HEPHL1: variants seen among roughly 807,000 people sequenced by gnomAD.
HEPHL1 encodes ferroxidase HEPHL1.
HEPHL1 carries 123 observed loss-of-function variants against 122.0 expected under a neutral mutation model. The observed-to-expected ratio is 1.01, with a 90% CI of 0.87 to 1.17. The LOEUF is 1.17. Ranked by LOEUF, HEPHL1 falls within the 50% of genes most tolerant of loss-of-function variation. The pLI, the probability that HEPHL1 is intolerant of heterozygous loss-of-function variation, is 0.00. For missense variants in HEPHL1, 1,452 were observed against 1,430.5 expected, an observed-to-expected ratio of 1.01 and a Z score of -0.24; for synonymous variants, 527 against 508.9, an observed-to-expected ratio of 1.04 and a Z score of -0.48.
chr11:94,063,047 T>C (rs1260468215), intron 2 of HEPHL1, among the ~76,000 whole-genome samples: 1 of 152,176 alleles, frequency 6.6e-6, no homozygotes, highest in Non-Finnish European at 1.5e-5. Context: ...GCAGGAAGAA[T>C]GTCTTACACT....
intron 13 of HEPHL1, among the ~76,000 whole-genome samples, chr11:94,093,971 G>GATCTATATAT (rs1946284114): frequency 1.4e-5 from 1 of 72,746 alleles, no homozygotes; most frequent in African/African-American, 4.9e-5. Context: ...TCCTCCAGCA[G>GATCTATATAT]ATATATATAT....
Position 94,073,439 on chromosome 11 carries a change from G to A in HEPHL1, c.1504G>A (p.Gly502Arg). ...KASDAAPNLD[G>R]FVKPGAHVKP... ...ATCTGATGCAGCCCCAAACCTAGAT[G>A]GTAAGTCTCACTCTGGGCTTAGGGA... Residue 502 changes from glycine to arginine, a missense_variant and splice_region_variant, in exon 8 of 20, where the codon GGA becomes AGA. Physicochemically the swap from Gly to Arg is moderately radical, Grantham distance 125. Coordinates refer to ENST00000315765, the MANE Select transcript of HEPHL1 (RefSeq NM_001098672.2). The A allele has an allele frequency of 6.4e-7, 1 of 1,552,628 alleles. No homozygotes were observed. The highest frequency in any genetic ancestry group is 8.7e-7 in the Non-Finnish European group (1 of 1,147,090).
chr11:94,102,672 G>A (rs1380664390), intron 14 of HEPHL1, among the ~76,000 whole-genome samples: 2 of 152,196 alleles, frequency 1.3e-5, no homozygotes, highest in Non-Finnish European at 1.5e-5. Context: ...ATACACACCA[G>A]TTGACAATAG....
At position 94,049,236 on chromosome 11, in the gene HEPHL1, T is replaced by C. The variant is rs111816061; in HGVS notation, c.415+3319T>C. Among the ~76,000 whole-genome samples, 1,152 of 152,216 alleles carry C rather than the reference T, an allele frequency of 7.6e-3. 18 individuals carry two copies. Among genetic ancestry groups the C allele is most frequent in the African/African-American group, 0.027 (1,112 of 41,502 alleles). On this transcript the variant is annotated intron_variant, in intron 2 of 19. Transcript: ENST00000315765. Reference sequence around the variant, plus strand: ...AAAAAATGCTCAACATCACTAATCATTGGGGAAATGCAAATCAGAACTACA... The same window carrying C: ...AAAAAATGCTCAACATCACTAATCACTGGGGAAATGCAAATCAGAACTACA...
intron 1 of HEPHL1, among the ~76,000 whole-genome samples, chr11:94,028,053 C>CA (rs1427866069): frequency 6.6e-6 from 1 of 152,162 alleles, no homozygotes; most frequent in African/African-American, 2.4e-5. Context: ...TATGATCTCA[C>CA]ATGTTGGATC....
At position 94,103,299 on chromosome 11, in the gene HEPHL1, T is replaced by C. The variant is rs1041678271; in HGVS notation, c.2682+279T>C. ...AAAAAAAAAAAAAAAAAAAAAAAGT[T>C]TGGTGACCCTTGACTTAAAGTATGG... On this transcript the variant is annotated intron_variant, in intron 15 of 19. Coordinates refer to ENST00000315765, the MANE Select transcript of HEPHL1 (RefSeq NM_001098672.2). Among the ~76,000 whole-genome samples, 22 of 147,274 alleles carry C rather than the reference T, an allele frequency of 1.5e-4. 1 individual carries two copies. Among genetic ancestry groups the C allele is most frequent in the African/African-American group, 5.3e-4 (21 of 39,994 alleles).
At chr11:94,076,372 A>G (rs546994475) in intron 9 of HEPHL1, among the ~76,000 whole-genome samples, 3 of 152,322 alleles carry the variant, frequency 2.0e-5, no homozygotes, top group South Asian at 4.1e-4. Context: ...AGTAAAACAC[A>G]GGACCTTGAA....
chr11:94,032,335 G>A (rs1239186510), intron 1 of HEPHL1, among the ~76,000 whole-genome samples: 1 of 152,206 alleles, frequency 6.6e-6, no homozygotes, highest in Non-Finnish European at 1.5e-5. Flanking sequence ...TTTGTTGCTG[G>A]TGGGTTTGAC....
intron 2 of HEPHL1, among the ~76,000 whole-genome samples, chr11:94,057,843 T>C (rs982550537): frequency 1.3e-5 from 2 of 152,220 alleles, no homozygotes; most frequent in African/African-American, 4.8e-5. Context: ...GTGTTTCTCA[T>C]ATTTTTGTTG....
chr11:94,047,570 G>A (rs1403941938), intron 2 of HEPHL1, among the ~76,000 whole-genome samples: 2 of 151,966 alleles, frequency 1.3e-5, no homozygotes, highest in Non-Finnish European at 2.9e-5. Context: ...AGTATTCCAA[G>A]GTGTATATGC....
Position 94,025,966 on chromosome 11 carries a change from C to T in HEPHL1, c.170+4428C>T, listed in dbSNP as rs542857532. Among the ~76,000 whole-genome samples the T allele has an allele frequency of 2.6e-5, 4 of 152,284 alleles. No homozygotes were observed. The East Asian group carries it at 7.7e-4, about 29-fold the overall frequency. ...GATTGTTTCTGGCTGCCACTAGAGA[C>T]TGGAGTATAATGTCTTTAACAAATT... is the stretch of plus-strand genomic sequence containing the variant. On this transcript the variant is annotated intron_variant, in intron 1 of 19. Transcript: ENST00000315765.
intron 17 of HEPHL1, among the ~76,000 whole-genome samples, chr11:94,107,661 CTTGT>C (rs1184198586): frequency 7.9e-5 from 12 of 152,254 alleles, no homozygotes; most frequent in Admixed American, 2.0e-4. Context: ...TTGAATCTGG[CTTGT>C]TTGATTTAAC....
chr11:94,085,058 A>G (rs752500728), intron 10 of HEPHL1, among the ~76,000 whole-genome samples: 11 of 152,226 alleles, frequency 7.2e-5, no homozygotes, highest in African/African-American at 2.4e-4. Flanking sequence ...CCTTCCTGCT[A>G]TAGGCTTAGT....
intron 14 of HEPHL1, among the ~76,000 whole-genome samples, chr11:94,102,086 A>G (rs1946372054): frequency 6.6e-6 from 1 of 152,194 alleles, no homozygotes; most frequent in Admixed American, 6.5e-5. Flanking sequence ...AGGAAAACAC[A>G]TAGTATATAT....
chr11:94,069,859 T>C (rs1021553976), intron 5 of HEPHL1, among the ~76,000 whole-genome samples: 3 of 152,304 alleles, frequency 2.0e-5, no homozygotes, highest in Middle Eastern at 3.4e-3. Context: ...TTAAAAAAGC[T>C]ATGGACATAC....
At chr11:94,079,726 G>C (rs898419571) in intron 9 of HEPHL1, among the ~76,000 whole-genome samples, 1 of 152,182 alleles carries the variant, frequency 6.6e-6, no homozygotes, top group African/African-American at 2.4e-5. Context: ...AGAGTCAAGA[G>C]ATGAGGCTGA....
chr11:94,050,686 G>A (rs886878586), intron 2 of HEPHL1, among the ~76,000 whole-genome samples: 5 of 151,958 alleles, frequency 3.3e-5, no homozygotes, highest in African/African-American at 4.8e-5. Context: ...TACTCTTTTC[G>A]TTATTCTAAA....
In HEPHL1 at chr11:94,093,971, GATATATATATATATATATATAT is replaced by G. The variant is rs201036709; in HGVS notation, c.2434+353_2434+374del. On this transcript the variant is annotated intron_variant, in intron 13 of 19. Transcript: ENST00000315765. Reference sequence around the variant, plus strand: ...AAATTTTCTTTTAAATCCTCCAGCAGATATATATATATATATATATATATATATATATATATATATATAAAAC... The same window carrying G: ...AAATTTTCTTTTAAATCCTCCAGCAGATATATATATATATATATATAAAAC... Among the ~76,000 whole-genome samples, 57 of 72,764 alleles carry G rather than the reference GATATATATATATATATATATAT, an allele frequency of 7.8e-4. 1 individual carries two copies. Among genetic ancestry groups the G allele is most frequent in the East Asian group, 2.8e-3 (6 of 2,144 alleles). 47.7% of individuals were successfully genotyped at this position (72,764 alleles called of 152,430 possible). A position where few individuals can be genotyped will look rare whatever the true frequency, so the allele number is the denominator to read the frequency against.
intron 2 of HEPHL1, among the ~76,000 whole-genome samples, chr11:94,054,206 C>T (rs1945915883): frequency 6.6e-6 from 1 of 152,212 alleles, no homozygotes; most frequent in Non-Finnish European, 1.5e-5. Flanking sequence ...AAGCCAGGAA[C>T]ACAGGATGTA....
Sources: allele counts gnomAD v4.1 joint callset (sites outside exome capture counted in the v4.1 genomes callset), GRCh38; gene constraint gnomAD v4.1.1; transcripts MANE v1.5; gene names NCBI Gene and HGNC (gene_info 2026-07-23, HGNC 2026-07-21).